LRRC1: variants seen among roughly 807,000 people sequenced by gnomAD.
LRRC1 encodes the protein leucine-rich repeat-containing protein 1.
In LRRC1, 28 loss-of-function variants were observed where a neutral mutation model predicts 69.9. The observed-to-expected ratio is 0.40, with a 90% CI of 0.30 to 0.55. The LOEUF (loss-of-function observed/expected upper bound fraction) is 0.55, where lower values mean the gene tolerates loss of function less well. LRRC1 is among the 20% of genes least tolerant of loss of function. The probability of loss-of-function intolerance (pLI) is 0.47; values close to 1 mark genes in which losing one functional copy is unlikely to be tolerated. For missense variants in LRRC1, 498 were observed against 609.0 expected, an observed-to-expected ratio of 0.82 and a Z score of 1.92; for synonymous variants, 236 against 240.2, an observed-to-expected ratio of 0.98 and a Z score of 0.16.
In LRRC1 at chr6:53,800,464, C is replaced by CTGG. The variant is rs35762470; in HGVS notation, c.159+5051_159+5053dup. On this transcript the variant is annotated intron_variant, in intron 1 of 13. Coordinates refer to ENST00000370888, the MANE Select transcript of LRRC1 (RefSeq NM_018214.5). ...ACGGGGTTTCACCATGTTGGGCAGG[C>CTGG]TGGTCTTGAACTCCTGACCTCAAGT... is the stretch of plus-strand genomic sequence containing the variant. 5.0e-3 allele frequency among the ~76,000 whole-genome samples: 751 copies of CTGG among 151,246 alleles called. 4 individuals are homozygous for CTGG. The highest frequency in any genetic ancestry group is 5.8e-3 in the Non-Finnish European group (393 of 67,808).
intron 10 of LRRC1, among the ~76,000 whole-genome samples, chr6:53,906,655 A>G (rs1768247712): frequency 6.6e-6 from 1 of 152,254 alleles, no homozygotes; most frequent in African/African-American, 2.4e-5. Context: ...AGTCCATGCT[A>G]TGTGTTCACT....
chr6:53,822,524 T>C (rs1479275566), intron 1 of LRRC1, among the ~76,000 whole-genome samples: 1 of 152,204 alleles, frequency 6.6e-6, no homozygotes, highest in Non-Finnish European at 1.5e-5. Flanking sequence ...AAAGCATGTC[T>C]TACTAAAGGT....
At chr6:53,912,956 G>A (rs1581918447) in intron 10 of LRRC1, among the ~76,000 whole-genome samples, 1 of 152,156 alleles carries the variant, frequency 6.6e-6, no homozygotes, top group East Asian at 1.9e-4. Context: ...TTGTGTCTGG[G>A]ATCAAGCTAT....
At chr6:53,826,526 A>G (rs995365951) in intron 1 of LRRC1, among the ~76,000 whole-genome samples, 1 of 152,214 alleles carries the variant, frequency 6.6e-6, no homozygotes, top group Non-Finnish European at 1.5e-5. Context: ...GCATTCATGT[A>G]CATATTATCT....
At chr6:53,830,047 G>T (rs1199731161) in intron 1 of LRRC1, among the ~76,000 whole-genome samples, 1 of 152,234 alleles carries the variant, frequency 6.6e-6, no homozygotes, top group Non-Finnish European at 1.5e-5. Flanking sequence ...CAAGCACACT[G>T]TATTTTAAGA....
At chr6:53,810,651 T>C (rs1245402815) in intron 1 of LRRC1, among the ~76,000 whole-genome samples, 2 of 152,196 alleles carry the variant, frequency 1.3e-5, no homozygotes, top group Non-Finnish European at 2.9e-5. Context: ...CGTAGACATT[T>C]TCCCTAGATT....
At chr6:53,876,931 T>TA (rs1767090933) in intron 2 of LRRC1, among the ~76,000 whole-genome samples, 1 of 152,188 alleles carries the variant, frequency 6.6e-6, no homozygotes, top group African/African-American at 2.4e-5. Context: ...GCAGTTCCAC[T>TA]AGGCACTGCC....
intron 10 of LRRC1, 32 bp from the exon 11 acceptor site, chr6:53,913,795 ATCCTACTCCATCTCCCCTAGAAAACTG>A: frequency 9.0e-7 from 1 of 1,115,516 alleles, no homozygotes; most frequent in Non-Finnish European, 1.3e-6. Context: ...AGGTACTCTG[ATCCTACTCCATCTCCCCTAGAAAACTG>A]GAAAAAAGAT....
intron 1 of LRRC1, among the ~76,000 whole-genome samples, chr6:53,822,999 C>T (rs553032104): frequency 7.9e-4 from 120 of 152,242 alleles, no homozygotes; most frequent in Admixed American, 1.4e-3. Context: ...CACAAATACA[C>T]GAAAATAGCT....
Position 53,896,535 on chromosome 6 carries a change from C to G in LRRC1, c.484C>G (p.Leu162Val), listed in dbSNP as rs753438506. The change falls in exon 5 of 14, where the codon CTT (leucine) becomes GTT (valine). Residue 162 changes from leucine (L) to valine (V), a missense_variant. Physicochemically the swap from Leu to Val is conservative, Grantham distance 32. Transcript: ENST00000370888. The stretch of plus-strand genomic sequence containing the variant: ...GGCTTCACTGGAACTGAGAGAGAAT[C>G]TTCTTACATATCTTCCTGAGTGAGT... ...NLASLELREN[L>V]LTYLPDSLTQ... The G allele has an allele frequency of 5.0e-6, 8 of 1,612,860 alleles. No homozygotes were observed. The East Asian group carries it at 1.6e-4, about 31-fold the overall frequency.
chr6:53,816,322 A>G (rs1764949561), intron 1 of LRRC1, among the ~76,000 whole-genome samples: 1 of 152,184 alleles, frequency 6.6e-6, no homozygotes, highest in South Asian at 2.1e-4. Context: ...CTTGGACTAT[A>G]AAATAGATGT....
chr6:53,872,088 A>G (rs1212946470), intron 2 of LRRC1, among the ~76,000 whole-genome samples: 1 of 152,118 alleles, frequency 6.6e-6, no homozygotes, highest in Non-Finnish European at 1.5e-5. Flanking sequence ...CAGGTCTTAC[A>G]TTTAAGGCTT....
chr6:53,867,819 G>A (rs1766751651), intron 2 of LRRC1, among the ~76,000 whole-genome samples: 1 of 151,796 alleles, frequency 6.6e-6, no homozygotes, highest in Non-Finnish European at 1.5e-5. Context: ...GCTGGGCGTG[G>A]TGGCGTGCAC....
At chr6:53,893,089 A>G (rs1462267747) in intron 4 of LRRC1, among the ~76,000 whole-genome samples, 1 of 152,226 alleles carries the variant, frequency 6.6e-6, no homozygotes, top group Non-Finnish European at 1.5e-5. Flanking sequence ...AGCATCTTGT[A>G]GCAATCTTTC....
chr6:53,884,688 C>A (rs1480555238), intron 4 of LRRC1, among the ~76,000 whole-genome samples: 2 of 152,108 alleles, frequency 1.3e-5, no homozygotes, highest in Non-Finnish European at 2.9e-5. Context: ...CTGATTCCTA[C>A]CCCTCTCCTT....
intron 2 of LRRC1, among the ~76,000 whole-genome samples, chr6:53,869,573 G>A (rs1317950617): frequency 6.6e-6 from 1 of 152,134 alleles, no homozygotes; most frequent in Non-Finnish European, 1.5e-5. Context: ...ACAATGTTCT[G>A]ATACAGTCTT....
intron 2 of LRRC1, among the ~76,000 whole-genome samples, chr6:53,857,151 T>C (rs1766336419): frequency 6.6e-6 from 1 of 152,112 alleles, no homozygotes; most frequent in Non-Finnish European, 1.5e-5. Context: ...AGATACAGGT[T>C]TGAGAGTCAT....
chr6:53,915,304 C>G (rs925664283), intron 11 of LRRC1, among the ~76,000 whole-genome samples: 1 of 152,180 alleles, frequency 6.6e-6, no homozygotes. Context: ...CAGTTCTCAG[C>G]TGGAATCTAG....
chr6:53,815,476 G>A (rs75956273), intron 1 of LRRC1, among the ~76,000 whole-genome samples: 28,971 of 151,968 alleles, frequency 0.19, 2,997 homozygotes, highest in Middle Eastern at 0.33. Flanking sequence ...CCACTTTAGG[G>A]CCTTTTTCTC....
Sources: gnomAD v4.1 joint callset for allele counts (sites outside exome capture counted in the v4.1 genomes callset) on GRCh38, gnomAD v4.1.1 for gene constraint, MANE v1.5 for transcripts, NCBI Gene and HGNC (gene_info 2026-07-23, HGNC 2026-07-21) for gene names.